ARB2A: variants seen among roughly 807,000 people sequenced by gnomAD.
The protein encoded by ARB2A is cotranscriptional regulator ARB2A.
chr5:93,766,124 A>C, the ARB2A span, among the ~76,000 whole-genome samples: 55 of 152,306 alleles, frequency 3.6e-4, no homozygotes, highest in Middle Eastern at 3.4e-3. Context: ...GGACATAGGC[A>C]TGGGCAAGGA....
At chr5:93,940,000 C>T in the ARB2A span, among the ~76,000 whole-genome samples, 1 of 151,706 alleles carries the variant, frequency 6.6e-6, no homozygotes, top group African/African-American at 2.4e-5. Context: ...ACTATCTGTG[C>T]TCTTCATTAT....
the ARB2A span, chr5:93,620,828 T>C: frequency 1.0e-6 from 1 of 958,948 alleles, no homozygotes; most frequent in Non-Finnish European, 1.5e-6. Context: ...TGCACTCATC[T>C]AGAAATAATG....
At chr5:93,846,370 C>T in the ARB2A span, among the ~76,000 whole-genome samples, 1 of 151,466 alleles carries the variant, frequency 6.6e-6, no homozygotes, top group African/African-American at 2.4e-5. Context: ...GGTGTAGTGG[C>T]ATGTGCCTGT....
the ARB2A span, among the ~76,000 whole-genome samples, chr5:93,990,444 T>C: frequency 6.6e-6 from 1 of 151,990 alleles, no homozygotes; most frequent in Admixed American, 6.6e-5. Context: ...AGAAAAGTCT[T>C]TGTTGAGCTA....
At chr5:93,861,354 AT>A in the ARB2A span, 3 of 127,012 alleles carry the variant, frequency 2.4e-5, no homozygotes, top group Non-Finnish European at 3.2e-5. Context: ...TTTGAGATAC[AT>A]TTCAGGCATC....
At chr5:93,893,971 C>A in the ARB2A span, among the ~76,000 whole-genome samples, 38 of 152,180 alleles carry the variant, frequency 2.5e-4, 1 homozygote, top group African/African-American at 8.9e-4. Context: ...AGGCACTCAG[C>A]AGCTAAACTT....
the ARB2A span, among the ~76,000 whole-genome samples, chr5:93,854,353 CTTT>C: frequency 6.6e-6 from 1 of 152,004 alleles, no homozygotes; most frequent in East Asian, 1.9e-4. Context: ...CTCTTTTCTT[CTTT>C]ATTAGTCTTG....
chr5:93,950,083 T>C, the ARB2A span, among the ~76,000 whole-genome samples: 6 of 152,196 alleles, frequency 3.9e-5, no homozygotes, highest in Non-Finnish European at 7.4e-5. Context: ...ATTGCATATA[T>C]GTACCACATT....
chr5:93,734,055 C>T, the ARB2A span: 1 of 152,110 alleles, frequency 6.6e-6, no homozygotes, highest in Admixed American at 6.5e-5. Context: ...GAAACAGATG[C>T]TAATTCAAGA....
chr5:93,808,558 T>C, the ARB2A span, among the ~76,000 whole-genome samples: 2 of 152,016 alleles, frequency 1.3e-5, no homozygotes, highest in African/African-American at 4.8e-5. Flanking sequence ...GTGTTTAATG[T>C]ATTGATACAG....
chr5:93,924,248 A>G, the ARB2A span, among the ~76,000 whole-genome samples: 1 of 152,172 alleles, frequency 6.6e-6, no homozygotes, highest in Non-Finnish European at 1.5e-5. Flanking sequence ...AAGGGTGTGA[A>G]GAAGGGAGCA....
At chr5:93,665,689 C>T in the ARB2A span, among the ~76,000 whole-genome samples, 1 of 152,242 alleles carries the variant, frequency 6.6e-6, no homozygotes, top group South Asian at 2.1e-4. Flanking sequence ...TTAACACAGA[C>T]CACTGCAAAT....
the ARB2A span, among the ~76,000 whole-genome samples, chr5:93,976,228 T>TA: frequency 6.6e-6 from 1 of 152,132 alleles, no homozygotes; most frequent in Non-Finnish European, 1.5e-5. Context: ...TCCTTCATGA[T>TA]AAAAACCCTC....
the ARB2A span, among the ~76,000 whole-genome samples, chr5:94,087,901 C>T: frequency 6.6e-6 from 1 of 152,132 alleles, no homozygotes; most frequent in African/African-American, 2.4e-5. Flanking sequence ...CAGACTATAA[C>T]ATCTAGGTGT....
At chr5:94,074,363 G>C in the ARB2A span, among the ~76,000 whole-genome samples, 1 of 151,932 alleles carries the variant, frequency 6.6e-6, no homozygotes, top group Non-Finnish European at 1.5e-5. Flanking sequence ...CACTAGCCTT[G>C]ATTCAAAAAA....
chr5:94,063,889 G>T, the ARB2A span, among the ~76,000 whole-genome samples: 1 of 152,020 alleles, frequency 6.6e-6, no homozygotes, highest in Non-Finnish European at 1.5e-5. Flanking sequence ...AAAATTGGAA[G>T]AGTTGATTCT....
the ARB2A span, among the ~76,000 whole-genome samples, chr5:93,934,460 T>C: frequency 1.3e-5 from 2 of 152,192 alleles, no homozygotes; most frequent in Non-Finnish European, 2.9e-5. Flanking sequence ...CCTCCTTCCA[T>C]GCAAGTGAAG....
At chr5:93,936,945 T>C in the ARB2A span, among the ~76,000 whole-genome samples, 3 of 150,794 alleles carry the variant, frequency 2.0e-5, no homozygotes, top group Admixed American at 2.0e-4. Context: ...TAAAGGTTTT[T>C]TTTTTTTTTT....
At chr5:93,779,124 T>TGTGTGTGTGTGTGTGTGTGCGC in the ARB2A span, among the ~76,000 whole-genome samples, 1 of 146,298 alleles carries the variant, frequency 6.8e-6, no homozygotes, top group African/African-American at 2.6e-5. Context: ...TGTGTGTGTG[T>TGTGTGTGTGTGTGTGTGTGCGC]GCGCGCGCGC....
Sources: allele counts gnomAD v4.1 joint callset (sites outside exome capture counted in the v4.1 genomes callset), GRCh38; gene constraint gnomAD v4.1.1; transcripts MANE v1.5; gene names NCBI Gene and HGNC (gene_info 2026-07-23, HGNC 2026-07-21).